The following SECISBP2 variants were observed in gnomAD, a reference collection of about 807,000 sequenced individuals.
SECISBP2 encodes selenocysteine insertion sequence-binding protein 2.
A neutral mutation model predicts 98.2 loss-of-function variants in SECISBP2; 96 were observed. The ratio of observed to expected loss-of-function variants is 0.98; its 90% CI spans 0.83 to 1.16. The LOEUF is 1.16. Ranked by LOEUF, SECISBP2 falls within the 50% of genes most tolerant of loss-of-function variation. SECISBP2 has a pLI of 0.00. For synonymous variants in SECISBP2, 407 were observed against 370.2 expected (o/e 1.10, Z -1.14); for missense variants, 1,046 against 1,022.9 (o/e 1.02, Z -0.31).
intron 14 of SECISBP2, chr9:89,354,801 C>CT: frequency 1.0e-6 from 1 of 985,426 alleles, no homozygotes; most frequent in Non-Finnish European, 1.2e-6. Flanking sequence ...CTCCCGGGAG[C>CT]TGGGGTGGAC....
intron 2 of SECISBP2, among the ~76,000 whole-genome samples, chr9:89,319,998 T>C (rs754282996): frequency 9.9e-5 from 15 of 152,200 alleles, no homozygotes; most frequent in South Asian, 2.1e-4. Context: ...CCCTTTTTTT[T>C]CTTCATACTC....
At chr9:89,352,028 A>G (rs1248911223) in intron 14 of SECISBP2, among the ~76,000 whole-genome samples, 2 of 152,228 alleles carry the variant, frequency 1.3e-5, no homozygotes, top group Non-Finnish European at 2.9e-5. Flanking sequence ...ATCTCCATGT[A>G]AGAGGCTTGT....
At chr9:89,357,971 T>C (rs1384158124) in intron 15 of SECISBP2, 28 bp from the exon 16 acceptor site, 6 of 1,611,012 alleles carry the variant, frequency 3.7e-6, no homozygotes, top group Non-Finnish European at 5.1e-6. Context: ...GCTGGGATGT[T>C]ACCTGTGTGC....
At chr9:89,339,705 T>G (rs1362559306) in intron 8 of SECISBP2, among the ~76,000 whole-genome samples, 159 bp from the exon 9 acceptor site, 1 of 152,180 alleles carries the variant, frequency 6.6e-6, no homozygotes, top group Admixed American at 6.5e-5. Flanking sequence ...TTGCTCTAAG[T>G]TAAATAAAGC....
At chr9:89,350,057 G>T in intron 13 of SECISBP2, 128 bp downstream of exon 13, 1 of 1,107,446 alleles carries the variant, frequency 9.0e-7, no homozygotes. Context: ...ATGGTTGAAA[G>T]AAGCTGGGTA....
downstream of SECISBP2, chr9:89,362,247 C>T: frequency 7.7e-7 from 1 of 1,300,676 alleles, no homozygotes; most frequent in East Asian, 2.3e-5. Context: ...CCGCCTCTGC[C>T]CATCAGGTGG....
At chr9:89,364,271 G>A, downstream of SECISBP2, 1 of 420,054 alleles carries the variant, frequency 2.4e-6, no homozygotes, top group Non-Finnish European at 4.5e-6. Context: ...TCTGGGCCTT[G>A]GAACAGCATC....
intron 8 of SECISBP2, among the ~76,000 whole-genome samples, chr9:89,339,546 G>T (rs1829332103): frequency 6.6e-6 from 1 of 152,156 alleles, no homozygotes. Flanking sequence ...TTTCTCTAAT[G>T]AAAAACATAA....
rs1394281688 is a variant in SECISBP2 at position 89,328,839 on chromosome 9, AT to A, written c.757del (p.Ser253LeufsTer3). 6.2e-7 allele frequency: 1 copy of A among 1,614,228 alleles called. No individual in the cohort carries two copies. Among genetic ancestry groups the A allele is most frequent in the South Asian group, 1.1e-5 (1 of 91,086 alleles). ...WGPVHSVSTD[I>X]SLLREVVKPA... ...ACCTGTCCACTCTGTCTCTACCGAC[AT>A]TTCTCTTCTAAGAGAAGTAGTAAAA... On this transcript the variant is annotated frameshift_variant, in exon 5 of 17. Transcript: ENST00000375807. LOFTEE classifies it high-confidence loss of function.
intron 12 of SECISBP2, 149 bp from the exon 13 acceptor site, chr9:89,349,627 G>T: frequency 1.2e-6 from 1 of 853,856 alleles, no homozygotes; most frequent in Non-Finnish European, 1.9e-6. Flanking sequence ...TGTTTTTTCT[G>T]CCTTCTGTAA....
chr9:89,346,607 T>A (rs1180251889), intron 10 of SECISBP2, among the ~76,000 whole-genome samples: 4 of 134,092 alleles, frequency 3.0e-5, no homozygotes, highest in African/African-American at 9.9e-5. Flanking sequence ...ATGGGAGATC[T>A]GATTACATGG....
Position 89,358,945 on chromosome 9 carries a change from A to G in SECISBP2, c.*121A>G. 4.1e-6 allele frequency: 3 copies of G among 728,940 alleles called. No homozygotes were observed. Among genetic ancestry groups the G allele is most frequent in the Non-Finnish European group, 7.3e-6 (3 of 411,852 alleles). 45.2% of individuals were successfully genotyped at this position (728,940 alleles called of 1,614,324 possible). On this transcript the variant is annotated 3_prime_UTR_variant, in exon 17 of 17. Transcript: ENST00000375807. ...GTGTAACTGTTGAATCTGGAAATTG[A>G]TCAGCATTAAAGGGCACATGAAGCA... is the stretch of plus-strand genomic sequence containing the variant.
chr9:89,325,700 G>A (rs1474790679), intron 3 of SECISBP2, 24 bp downstream of exon 3: 1 of 1,613,756 alleles, frequency 6.2e-7, no homozygotes, highest in Non-Finnish European at 8.5e-7. Context: ...TTGTTTTGTT[G>A]TGTCCTTTAG....
intron 1 of SECISBP2, 153 bp downstream of exon 1, chr9:89,318,765 G>C (rs1467520479): frequency 1.7e-5 from 21 of 1,239,564 alleles, no homozygotes; most frequent in Non-Finnish European, 2.0e-5. Context: ...CGCGATCTTC[G>C]CGCCCCGCCT....
chr9:89,328,838 C>G lies in SECISBP2; in HGVS notation c.753C>G (p.Asp251Glu), dbSNP rs139203513. Residue 251 changes from aspartate to glutamate, a missense_variant, in exon 5 of 17, where the codon GAC becomes GAG. Coordinates refer to ENST00000375807, the MANE Select transcript of SECISBP2 (RefSeq NM_024077.5). Reference protein sequence around the residue: ...KWGPVHSVSTDISLLREVVKP... With the variant: ...KWGPVHSVSTEISLLREVVKP... ...GACCTGTCCACTCTGTCTCTACCGACATTTCTCTTCTAAGAGAAGTAGTAA... is the reference window on the plus strand; with the variant it reads ...GACCTGTCCACTCTGTCTCTACCGAGATTTCTCTTCTAAGAGAAGTAGTAA... The G allele has an allele frequency of 1.2e-6, 2 of 1,614,138 alleles. No individual in the cohort carries two copies. Among genetic ancestry groups the G allele is most frequent in the African/African-American group, 2.7e-5 (2 of 74,950 alleles).
chr9:89,362,558 T>C (rs1832860083), downstream of SECISBP2: 1 of 1,515,226 alleles, frequency 6.6e-7, no homozygotes. Flanking sequence ...GTGGTTCCCC[T>C]CCTTGGAGTC....
chr9:89,329,040 C>T, intron 5 of SECISBP2, 154 bp downstream of exon 5: 1 of 650,284 alleles, frequency 1.5e-6, no homozygotes, highest in Non-Finnish European at 2.7e-6. Context: ...ACTTATATGA[C>T]CTTCTTTGTT....
the SECISBP2 span, among the ~76,000 whole-genome samples, chr9:89,366,340 A>T: frequency 6.6e-6 from 1 of 152,222 alleles, no homozygotes; most frequent in African/African-American, 2.4e-5. Flanking sequence ...AACTTATAAC[A>T]AACAAGCATT....
At chr9:89,320,733 T>G (rs1026299071) in intron 2 of SECISBP2, among the ~76,000 whole-genome samples, 36 of 152,220 alleles carry the variant, frequency 2.4e-4, no homozygotes, top group Non-Finnish European at 3.4e-4. Flanking sequence ...ATTCATTCTC[T>G]AGGTTTACAA....
Sources: allele counts gnomAD v4.1 joint callset (sites outside exome capture counted in the v4.1 genomes callset), GRCh38; gene constraint gnomAD v4.1.1; transcripts MANE v1.5; gene names NCBI Gene and HGNC (gene_info 2026-07-23, HGNC 2026-07-21).